LDB2: variants seen among roughly 807,000 people sequenced by gnomAD.
The protein encoded by LDB2 is LIM domain binding 2.
Under a neutral mutation model 44.3 loss-of-function variants are expected in LDB2, and 12 were observed. The ratio of observed to expected loss-of-function variants is 0.27; its 90% CI spans 0.17 to 0.44. The LOEUF (loss-of-function observed/expected upper bound fraction) is 0.44. LDB2 is among the 20% of genes least tolerant of loss of function. The pLI, the probability that LDB2 is intolerant of heterozygous loss-of-function variation, is 1.00. For synonymous variants in LDB2, 164 were observed against 174.8 expected (o/e 0.94, Z 0.49); for missense variants, 344 against 473.5 (o/e 0.73, Z 2.54).
chr4:16,853,600 A>G (rs1788723173), intron 1 of LDB2, among the ~76,000 whole-genome samples: 1 of 152,324 alleles, frequency 6.6e-6, no homozygotes, highest in South Asian at 2.1e-4. Context: ...TAGAACTAAC[A>G]TGTGGCTTAG....
chr4:16,686,905 A>G (rs1332983567), intron 2 of LDB2, among the ~76,000 whole-genome samples: 1 of 152,182 alleles, frequency 6.6e-6, no homozygotes, highest in Non-Finnish European at 1.5e-5. Flanking sequence ...TTATTCCTCC[A>G]GCTTTCACTC....
At chr4:16,760,555 G>T (rs761826147) in intron 1 of LDB2, among the ~76,000 whole-genome samples, 9 of 152,056 alleles carry the variant, frequency 5.9e-5, no homozygotes, top group Admixed American at 4.6e-4. Context: ...ATGGATCCAC[G>T]TACAAAGTAC....
chr4:16,758,171 A>C (rs1295919142), intron 2 of LDB2, among the ~76,000 whole-genome samples: 4 of 152,178 alleles, frequency 2.6e-5, no homozygotes, highest in Non-Finnish European at 5.9e-5. Flanking sequence ...AAGTTGCCTA[A>C]AGCCTCCCCC....
At chr4:16,836,260 A>C (rs1268372709) in intron 1 of LDB2, among the ~76,000 whole-genome samples, 2 of 152,184 alleles carry the variant, frequency 1.3e-5, no homozygotes, top group Non-Finnish European at 2.9e-5. Flanking sequence ...AAGAATCTCA[A>C]ATTATTGAGC....
intron 1 of LDB2, among the ~76,000 whole-genome samples, chr4:16,795,839 A>T (rs953755328): frequency 6.6e-6 from 1 of 152,110 alleles, no homozygotes; most frequent in Non-Finnish European, 1.5e-5. Context: ...AATACTTTCT[A>T]TTGTTAAAAT....
intron 2 of LDB2, among the ~76,000 whole-genome samples, chr4:16,627,796 C>T (rs1447473737): frequency 6.6e-6 from 1 of 152,176 alleles, no homozygotes; most frequent in African/African-American, 2.4e-5. Flanking sequence ...GATGGGATAT[C>T]ATTTCCAAAA....
At chr4:16,627,277 G>A (rs1380807067) in intron 2 of LDB2, among the ~76,000 whole-genome samples, 1 of 152,160 alleles carries the variant, frequency 6.6e-6, no homozygotes, top group Non-Finnish European at 1.5e-5. Flanking sequence ...TACTATAAAT[G>A]TGTGTGGTAA....
rs75547117 is a variant in LDB2 at position 16,762,834 on chromosome 4, C to T, written c.133-3574G>A. On this transcript the variant is annotated intron_variant, in intron 1 of 7. Transcript: ENST00000304523. The stretch of plus-strand genomic sequence containing the variant: ...GAAATGCTGGCTGATCTGAGGTCAC[C>T]GGGAGAAAAGAAAGTACTCAAGTTA... Among the ~76,000 whole-genome samples the T allele has an allele frequency of 2.7e-3, 414 of 152,040 alleles. 4 individuals are homozygous for T. The highest frequency in any genetic ancestry group is 9.4e-3 in the African/African-American group (389 of 41,462).
chr4:16,860,808 T>C (rs1260180859), intron 1 of LDB2, among the ~76,000 whole-genome samples: 2 of 152,226 alleles, frequency 1.3e-5, no homozygotes, highest in African/African-American at 2.4e-5. Context: ...TGAATGTATT[T>C]TATATCCAGC....
chr4:16,840,390 C>T (rs911220643), intron 1 of LDB2, among the ~76,000 whole-genome samples: 10 of 152,170 alleles, frequency 6.6e-5, no homozygotes, highest in African/African-American at 2.2e-4. Flanking sequence ...AACCTAATCA[C>T]AAATACACAT....
intron 7 of LDB2, among the ~76,000 whole-genome samples, chr4:16,507,906 AAAG>A (rs1169618407): frequency 1.3e-5 from 2 of 152,212 alleles, no homozygotes; most frequent in Admixed American, 1.3e-4. Flanking sequence ...TTTGGAATTC[AAAG>A]AAGTCCCCTT....
chr4:16,789,312 G>A (rs1032206507), intron 1 of LDB2, among the ~76,000 whole-genome samples: 1 of 152,158 alleles, frequency 6.6e-6, no homozygotes, highest in African/African-American at 2.4e-5. Flanking sequence ...TTTATCAAAG[G>A]CCTACGATGA....
intron 5 of LDB2, among the ~76,000 whole-genome samples, chr4:16,563,434 T>A (rs1743240280): frequency 1.5e-5 from 1 of 68,250 alleles, no homozygotes. Context: ...ATCAGATTTT[T>A]TTTTTTTTTT....
At chr4:16,606,722 A>G (rs149804840) in intron 2 of LDB2, among the ~76,000 whole-genome samples, 40 of 152,364 alleles carry the variant, frequency 2.6e-4, no homozygotes, top group Non-Finnish European at 5.4e-4. Flanking sequence ...AAATTACTCC[A>G]GACTAGAGAA....
At chr4:16,712,125 C>T (rs1756020252) in intron 2 of LDB2, among the ~76,000 whole-genome samples, 1 of 152,130 alleles carries the variant, frequency 6.6e-6, no homozygotes, top group Non-Finnish European at 1.5e-5. Flanking sequence ...AATGAAAAGA[C>T]AGTACACACG....
At chr4:16,672,885 C>CTT (rs34411088) in intron 2 of LDB2, among the ~76,000 whole-genome samples, 24 of 146,442 alleles carry the variant, frequency 1.6e-4, no homozygotes, top group Non-Finnish European at 1.5e-4. Context: ...TCCTTCCTTC[C>CTT]TTTTTTTTCC....
intron 2 of LDB2, chr4:16,626,965 C>T (rs149902366): frequency 6.6e-6 from 1 of 152,132 alleles, no homozygotes; most frequent in Non-Finnish European, 1.5e-5. Flanking sequence ...TCTCCAGAAA[C>T]TGCAAGGAGA....
chr4:16,891,984 C>A (rs560027791), intron 1 of LDB2, among the ~76,000 whole-genome samples: 1 of 152,268 alleles, frequency 6.6e-6, no homozygotes, highest in Admixed American at 6.5e-5. Flanking sequence ...CCAGTTTCCT[C>A]ATTAGTAAAA....
intron 2 of LDB2, among the ~76,000 whole-genome samples, chr4:16,630,588 A>G (rs1560692748): frequency 6.6e-6 from 1 of 152,244 alleles, no homozygotes; most frequent in Non-Finnish European, 1.5e-5. Context: ...ACACATAACA[A>G]TATTAACCTT....
Sources: allele counts gnomAD v4.1 joint callset (sites outside exome capture counted in the v4.1 genomes callset), GRCh38; gene constraint gnomAD v4.1.1; transcripts MANE v1.5; gene names NCBI Gene and HGNC (gene_info 2026-07-23, HGNC 2026-07-21).